REPS2: variants seen among roughly 807,000 people sequenced by gnomAD.
The protein encoded by REPS2 is RALBP1 associated Eps domain containing 2, also known as ralBP1-associated Eps domain-containing protein 2.
A neutral mutation model predicts 53.6 loss-of-function variants in REPS2; 23 were observed. That is an observed-to-expected ratio of 0.43 (90% CI 0.31 to 0.61). The LOEUF is 0.61. Ranked by LOEUF, REPS2 falls within the 20% of genes least tolerant of loss-of-function variation. REPS2 has a pLI of 0.11. For missense variants in REPS2, 446 were observed against 534.9 expected, an observed-to-expected ratio of 0.83 and a Z score of 1.64; for synonymous variants, 238 against 218.6, an observed-to-expected ratio of 1.09 and a Z score of -0.78.
intron 1 of REPS2, among the ~76,000 whole-genome samples, chrX:16,977,099 C>T (rs2060964467): frequency 8.9e-6 from 1 of 111,757 alleles, no homozygotes; most frequent in Admixed American, 9.5e-5. Context: ...GGGAAGACTT[C>T]CTAGAGGCAA....
intron 17 of REPS2, among the ~76,000 whole-genome samples, chrX:17,141,568 T>C (rs1311747165): frequency 1.8e-5 from 2 of 112,113 alleles, no homozygotes; most frequent in African/African-American, 6.5e-5. Context: ...GGTAAGTGTA[T>C]GTGATTAGTT....
At position 17,102,058 on chromosome X, in the gene REPS2, GTTATGTTATGTTATGTTATGTTATT is replaced by G. The variant is rs1261637038; in HGVS notation, c.1517-1655_1517-1631del. ...GTTATGTTATGTTATGTTATGTTAT[GTTATGTTATGTTATGTTATGTTATT>G]TTATTTTATTTATGAATGAGACAGG... is the stretch of plus-strand genomic sequence containing the variant. On this transcript the variant is annotated intron_variant, in intron 13 of 17. Transcript: ENST00000357277. Among the ~76,000 whole-genome samples, 18 of 83,026 alleles carry G rather than the reference GTTATGTTATGTTATGTTATGTTATT, an allele frequency of 2.2e-4. No homozygotes were observed. In the South Asian group the frequency reaches 3.2e-3, roughly 15 times the overall value. The allele number at this position is 83,026 out of a possible 115,157, so 72.1% of individuals were successfully genotyped here. A position where few individuals can be genotyped will look rare whatever the true frequency, so the allele number is the denominator to read the frequency against.
At chrX:17,194,849 C>T in the REPS2 span, among the ~76,000 whole-genome samples, 1 of 112,058 alleles carries the variant, frequency 8.9e-6, no homozygotes, top group Non-Finnish European at 1.9e-5. Flanking sequence ...CATGTGGACT[C>T]TCCCTCTATT....
At chrX:17,017,933 G>A (rs983226930) in intron 2 of REPS2, among the ~76,000 whole-genome samples, 2 of 111,664 alleles carry the variant, frequency 1.8e-5, no homozygotes, top group South Asian at 7.3e-4. Context: ...AGTTTTTAAT[G>A]TTGATTACAT....
chrX:17,074,033 ATG>A, intron 11 of REPS2, 79 bp from the exon 12 acceptor site: 1 of 822,350 alleles, frequency 1.2e-6, no homozygotes, highest in Non-Finnish European at 1.8e-6. Flanking sequence ...TTACCTGTTG[ATG>A]TGTTCTGTAC....
chrX:16,979,847 A>G (rs377079651), intron 1 of REPS2, among the ~76,000 whole-genome samples: 52 of 109,203 alleles, frequency 4.8e-4, no homozygotes, highest in East Asian at 2.0e-3. Context: ...TCAGATCTCC[A>G]AGAAATCGGT....
chrX:17,171,910 C>A, the REPS2 span, among the ~76,000 whole-genome samples: 6 of 111,161 alleles, frequency 5.4e-5, no homozygotes, highest in African/African-American at 2.0e-4. Flanking sequence ...ATATTGGCCA[C>A]CCCTAGGATG....
intron 3 of REPS2, 185 bp downstream of exon 3, chrX:17,022,456 A>G (rs2061589079): frequency 2.8e-6 from 1 of 354,286 alleles, no homozygotes; most frequent in Admixed American, 5.1e-5. Context: ...AATCACCACC[A>G]CCCACTTAAG....
rs1479628714 is a variant in REPS2, at chrX:17,093,186, ATATATATATATATAAT to A, written c.1517-10530_1517-10515del. On this transcript the variant is annotated intron_variant, in intron 13 of 17. Coordinates refer to ENST00000357277, the MANE Select transcript of REPS2 (RefSeq NM_004726.3). ...TAATGCTATATATATATATATATAT[ATATATATATATATAAT>A]TTTTTTTTTGGAAAGAGTGGCAACT... 6.9e-3 allele frequency among the ~76,000 whole-genome samples: 89 copies of A among 12,987 alleles called. 7 individuals are homozygous for A. Among genetic ancestry groups the A allele is most frequent in the Admixed American group, 8.5e-3 (5 of 591 alleles). The allele number at this position is 12,987 out of a possible 115,157, so 11.3% of individuals were successfully genotyped here.
At chrX:17,057,459 T>C (rs1443658579) in intron 8 of REPS2, among the ~76,000 whole-genome samples, 3 of 112,552 alleles carry the variant, frequency 2.7e-5, no homozygotes, top group Non-Finnish European at 3.8e-5. Context: ...GGGATCTTCT[T>C]CAAATGTCCT....
At chrX:16,948,107 A>C (rs1445156009) in intron 1 of REPS2, among the ~76,000 whole-genome samples, 3 of 112,183 alleles carry the variant, frequency 2.7e-5, no homozygotes, top group Non-Finnish European at 3.8e-5. Context: ...ACACCAATGG[A>C]ATATTTAGAG....
At chrX:16,967,995 G>C (rs910954987) in intron 1 of REPS2, among the ~76,000 whole-genome samples, 1 of 110,941 alleles carries the variant, frequency 9.0e-6, no homozygotes, top group South Asian at 3.8e-4. Flanking sequence ...GCGGCCTTCC[G>C]CAGTGTTTGT....
intron 13 of REPS2, among the ~76,000 whole-genome samples, chrX:17,101,347 C>T (rs751706251): frequency 1.8e-5 from 2 of 111,139 alleles, no homozygotes; most frequent in East Asian, 5.7e-4. Context: ...CAAGCGTGAG[C>T]CATCGCGCCA....
intron 14 of REPS2, among the ~76,000 whole-genome samples, chrX:17,107,069 C>T (rs1431818917): frequency 3.6e-5 from 4 of 112,125 alleles, no homozygotes; most frequent in African/African-American, 1.3e-4. Flanking sequence ...ATAAAGGGCT[C>T]TATTTTAAAG....
intron 8 of REPS2, among the ~76,000 whole-genome samples, chrX:17,055,989 A>T (rs1455642332): frequency 9.0e-6 from 1 of 110,623 alleles, no homozygotes; most frequent in Non-Finnish European, 1.9e-5. Context: ...AGAGTATAAT[A>T]AAAAAATAAA....
chrX:17,175,544 G>A, the REPS2 span, among the ~76,000 whole-genome samples: 5 of 112,042 alleles, frequency 4.5e-5, no homozygotes, highest in East Asian at 1.4e-3. Context: ...GTTTTTTTGT[G>A]TGAGTTTCTT....
chrX:17,122,503 T>A (rs1216188851), intron 14 of REPS2, among the ~76,000 whole-genome samples: 1 of 112,426 alleles, frequency 8.9e-6, no homozygotes, highest in Non-Finnish European at 1.9e-5. Context: ...AACACTCGTA[T>A]CCAAGTTGTT....
intron 5 of REPS2, among the ~76,000 whole-genome samples, chrX:17,033,178 A>G (rs1186298897): frequency 9.0e-6 from 1 of 111,460 alleles, no homozygotes; most frequent in Non-Finnish European, 1.9e-5. Context: ...CGTTGTCTTT[A>G]TTGTCTCCTT....
At chrX:17,195,563 A>T in the REPS2 span, among the ~76,000 whole-genome samples, 5 of 112,234 alleles carry the variant, frequency 4.5e-5, no homozygotes, top group African/African-American at 1.6e-4. Context: ...TCCCAAATAT[A>T]TGTTCCAAGT....
Sources: gnomAD v4.1 joint callset for allele counts (sites outside exome capture counted in the v4.1 genomes callset) on GRCh38, gnomAD v4.1.1 for gene constraint, MANE v1.5 for transcripts, NCBI Gene and HGNC (gene_info 2026-07-23, HGNC 2026-07-21) for gene names.